The following TMEM132D variants were observed in gnomAD, a reference collection of about 807,000 sequenced individuals.
TMEM132D encodes the protein mature OL transmembrane protein.
Under a neutral mutation model 62.3 loss-of-function variants are expected in TMEM132D, and 21 were observed. The ratio of observed to expected loss-of-function variants is 0.34; its 90% confidence interval spans 0.24 to 0.49. The LOEUF is 0.49. TMEM132D is among the 20% of genes least tolerant of loss of function. The pLI, the probability that TMEM132D is intolerant of heterozygous loss-of-function variation, is 0.99. For synonymous variants in TMEM132D, 621 were observed against 575.6 expected, an observed-to-expected ratio of 1.08 and a Z score of -1.13; for missense variants, 1,346 against 1,402.8, an observed-to-expected ratio of 0.96 and a Z score of 0.65.
At chr12:129,515,845 G>A (rs967866654) in intron 3 of TMEM132D, among the ~76,000 whole-genome samples, 1 of 152,068 alleles carries the variant, frequency 6.6e-6, no homozygotes, top group African/African-American at 2.4e-5. Flanking sequence ...GTTTTCCCTG[G>A]GTCTTTGGAT....
intron 1 of TMEM132D, among the ~76,000 whole-genome samples, chr12:129,731,949 A>C (rs528104479): frequency 1.4e-4 from 21 of 152,318 alleles, no homozygotes; most frequent in African/African-American, 4.8e-4. Flanking sequence ...GGCGTGAGCC[A>C]CCGTGCCCGG....
rs35842499 is a variant in TMEM132D, at chr12:129,356,147, A to ATTTTTTTT, written c.1116-18338_1116-18331dup. Among the ~76,000 whole-genome samples, 4 of 36,546 alleles carry ATTTTTTTT rather than the reference A, an allele frequency of 1.1e-4. 1 individual carries two copies. The highest frequency in any genetic ancestry group is 8.2e-4 in the Admixed American group (2 of 2,452). 24.0% of individuals were successfully genotyped at this position (36,546 alleles called of 152,430 possible). On this transcript the variant is annotated intron_variant, in intron 3 of 8. Coordinates refer to ENST00000422113, the MANE Select transcript of TMEM132D (RefSeq NM_133448.3). The stretch of plus-strand genomic sequence containing the variant: ...GTCTGCTTCTAGAGAAACTGAAGGG[A>ATTTTTTTT]TTTTTTTTTTTTTTTTTTTTTTTTT...
intron 4 of TMEM132D, among the ~76,000 whole-genome samples, chr12:129,249,638 AG>A (rs1880213655): frequency 6.6e-6 from 1 of 152,184 alleles, no homozygotes; most frequent in Non-Finnish European, 1.5e-5. Flanking sequence ...TAGACAGTCA[AG>A]GCTCCTGCCC....
At chr12:129,656,816 TA>T (rs944270646) in intron 2 of TMEM132D, among the ~76,000 whole-genome samples, 13 of 152,166 alleles carry the variant, frequency 8.5e-5, no homozygotes, top group African/African-American at 3.1e-4. Context: ...ATTATTTTAC[TA>T]AAAAAATGTG....
chr12:129,101,427 C>A (rs1382413359), intron 5 of TMEM132D, among the ~76,000 whole-genome samples: 1 of 152,140 alleles, frequency 6.6e-6, no homozygotes, highest in Non-Finnish European at 1.5e-5. Flanking sequence ...TTACTGGAGT[C>A]CCCACCATTC....
At chr12:129,103,691 C>A (rs747479816) in intron 5 of TMEM132D, among the ~76,000 whole-genome samples, 29 of 152,160 alleles carry the variant, frequency 1.9e-4, no homozygotes, top group Non-Finnish European at 3.1e-4. Context: ...CCTAGGTAAC[C>A]ATCTTTATGC....
At chr12:129,845,636 G>A (rs989826126) in intron 1 of TMEM132D, among the ~76,000 whole-genome samples, 1 of 152,182 alleles carries the variant, frequency 6.6e-6, no homozygotes, top group African/African-American at 2.4e-5. Flanking sequence ...CCAAATTAAA[G>A]TGATTCTCAA....
intron 4 of TMEM132D, among the ~76,000 whole-genome samples, chr12:129,257,402 G>T (rs1445721931): frequency 1.3e-5 from 2 of 151,848 alleles, no homozygotes; most frequent in African/African-American, 2.4e-5. Flanking sequence ...GTAGAGATGG[G>T]GTTTCACCAT....
chr12:129,471,224 T>TTA (rs58260823), intron 3 of TMEM132D, among the ~76,000 whole-genome samples: 56 of 151,516 alleles, frequency 3.7e-4, no homozygotes, highest in Non-Finnish European at 3.7e-4. Flanking sequence ...TTTTTTTTTT[T>TTA]AACAAATTGA....
intron 2 of TMEM132D, among the ~76,000 whole-genome samples, chr12:129,533,252 C>T (rs911757586): frequency 3.3e-5 from 5 of 152,142 alleles, no homozygotes; most frequent in South Asian, 2.1e-4. Context: ...AACTGGGAAT[C>T]GCATGCAGAC....
chr12:129,174,225 C>A (rs1378124368), intron 5 of TMEM132D, among the ~76,000 whole-genome samples: 1 of 152,118 alleles, frequency 6.6e-6, no homozygotes, highest in African/African-American at 2.4e-5. Context: ...AGTTCACTCC[C>A]CTTGCCCCCC....
At chr12:129,376,321 C>A (rs1870778884) in intron 3 of TMEM132D, among the ~76,000 whole-genome samples, 1 of 152,102 alleles carries the variant, frequency 6.6e-6, no homozygotes, top group South Asian at 2.1e-4. Context: ...AAAATCATGG[C>A]AGAAGGGGAA....
At chr12:129,895,526 T>G (rs1478701699) in intron 1 of TMEM132D, among the ~76,000 whole-genome samples, 3 of 152,192 alleles carry the variant, frequency 2.0e-5, no homozygotes, top group African/African-American at 7.2e-5. Flanking sequence ...CAAGGCCTCC[T>G]CGGGCCAATT....
At chr12:129,883,781 A>C (rs1328184664) in intron 1 of TMEM132D, among the ~76,000 whole-genome samples, 1 of 152,222 alleles carries the variant, frequency 6.6e-6, no homozygotes, top group East Asian at 1.9e-4. Context: ...TGTAAAGTCG[A>C]TTTAAAAGAG....
At chr12:129,671,257 A>G (rs931763233) in intron 2 of TMEM132D, among the ~76,000 whole-genome samples, 2 of 152,230 alleles carry the variant, frequency 1.3e-5, no homozygotes, top group Non-Finnish European at 2.9e-5. Flanking sequence ...GGAAGAGAAT[A>G]ACTTAAAAGG....
At chr12:129,770,746 C>A (rs989440343) in intron 1 of TMEM132D, among the ~76,000 whole-genome samples, 6 of 152,166 alleles carry the variant, frequency 3.9e-5, no homozygotes, top group Non-Finnish European at 8.8e-5. Flanking sequence ...AAATCATCCA[C>A]CATAAAACCT....
At chr12:129,841,276 T>G (rs11060578) in intron 1 of TMEM132D, among the ~76,000 whole-genome samples, 18,502 of 151,876 alleles carry the variant, frequency 0.12, 1,619 homozygotes, top group East Asian at 0.48. Context: ...AAAGAAAAGA[T>G]TCACATAATT....
chr12:129,556,232 C>G (rs1877052240), intron 2 of TMEM132D, among the ~76,000 whole-genome samples: 2 of 152,180 alleles, frequency 1.3e-5, no homozygotes, highest in African/African-American at 4.8e-5. Flanking sequence ...AAACATTCCA[C>G]CGCTGCTCGT....
rs534616355 is a variant in TMEM132D, at chr12:129,158,276, C to T, written c.1443+51244G>A. On this transcript the variant is annotated intron_variant, in intron 5 of 8. Coordinates refer to ENST00000422113, the MANE Select transcript of TMEM132D (RefSeq NM_133448.3). ...ATGGCTGACTCTGTGTTTGCACACA[C>T]GTGTGCATGCTTTGCAGGGGAGAGG... Among the ~76,000 whole-genome samples the T allele has an allele frequency of 3.9e-5, 6 of 152,178 alleles. No individual in the cohort carries two copies. In the South Asian group the frequency reaches 6.2e-4, roughly 16 times the overall value.
Sources: allele counts gnomAD v4.1 joint callset (sites outside exome capture counted in the v4.1 genomes callset), GRCh38; gene constraint gnomAD v4.1.1; transcripts MANE v1.5; gene names NCBI Gene and HGNC (gene_info 2026-07-23, HGNC 2026-07-21).